ENTREP2: variants seen among roughly 807,000 people sequenced by gnomAD.
ENTREP2 encodes endosomal transmembrane epsin interactor 2.
the ENTREP2 span, among the ~76,000 whole-genome samples, chr15:29,420,815 A>G: frequency 6.6e-6 from 1 of 152,196 alleles, no homozygotes; most frequent in South Asian, 2.1e-4. Flanking sequence ...AAAAACATCA[A>G]AACAGGTCTG....
At chr15:29,448,246 C>G in the ENTREP2 span, among the ~76,000 whole-genome samples, 1 of 152,192 alleles carries the variant, frequency 6.6e-6, no homozygotes, top group Non-Finnish European at 1.5e-5. Context: ...TACAACAGCA[C>G]CTCGGGGAGG....
the ENTREP2 span, among the ~76,000 whole-genome samples, chr15:29,146,624 T>G: frequency 2.6e-5 from 4 of 152,184 alleles, no homozygotes; most frequent in Non-Finnish European, 5.9e-5. Flanking sequence ...TGTATAACAA[T>G]GAACTCAAAA....
chr15:29,406,983 A>T, the ENTREP2 span, among the ~76,000 whole-genome samples: 1 of 152,214 alleles, frequency 6.6e-6, no homozygotes, highest in Admixed American at 6.5e-5. Context: ...AAATCACATC[A>T]CAATATGTAA....
the ENTREP2 span, among the ~76,000 whole-genome samples, chr15:29,586,064 C>A: frequency 6.6e-6 from 1 of 151,984 alleles, no homozygotes; most frequent in East Asian, 1.9e-4. Context: ...ATGGTAACAA[C>A]CTATATATCC....
the ENTREP2 span, among the ~76,000 whole-genome samples, chr15:29,343,030 G>C: frequency 5.4e-5 from 8 of 148,892 alleles, no homozygotes; most frequent in Admixed American, 2.0e-4. Flanking sequence ...AAAGGAATGG[G>C]GGGGGTGGTT....
chr15:29,447,727 T>G, the ENTREP2 span, among the ~76,000 whole-genome samples: 2 of 151,332 alleles, frequency 1.3e-5, no homozygotes, highest in African/African-American at 4.9e-5. Flanking sequence ...TGGGCACAAG[T>G]GACCTTCCCA....
chr15:29,486,859 T>G, the ENTREP2 span, among the ~76,000 whole-genome samples: 1 of 151,966 alleles, frequency 6.6e-6, no homozygotes, highest in South Asian at 2.1e-4. Flanking sequence ...TATAGAAAAT[T>G]AGAATTGTGG....
the ENTREP2 span, among the ~76,000 whole-genome samples, chr15:29,446,533 C>T: frequency 6.6e-6 from 1 of 152,198 alleles, no homozygotes; most frequent in Non-Finnish European, 1.5e-5. Context: ...AGTTGGCCAG[C>T]AGAAAGGAGG....
At chr15:29,365,454 C>T in the ENTREP2 span, among the ~76,000 whole-genome samples, 139 of 152,006 alleles carry the variant, frequency 9.1e-4, 1 homozygote, top group East Asian at 0.025. Flanking sequence ...GATTTCACCA[C>T]ATTGGCCAGG....
the ENTREP2 span, chr15:29,123,404 C>T: frequency 6.5e-7 from 1 of 1,549,356 alleles, no homozygotes; most frequent in Non-Finnish European, 8.7e-7. Context: ...TCGTTGGTGA[C>T]AGCCAAGCGC....
chr15:29,611,533 C>T, the ENTREP2 span, among the ~76,000 whole-genome samples: 2 of 152,114 alleles, frequency 1.3e-5, no homozygotes, highest in African/African-American at 4.8e-5. Flanking sequence ...TAACTTATGT[C>T]TCAAGCTTCT....
the ENTREP2 span, among the ~76,000 whole-genome samples, chr15:29,534,167 A>C: frequency 5.3e-5 from 8 of 150,960 alleles, no homozygotes; most frequent in African/African-American, 1.7e-4. Flanking sequence ...TCTCCTTCCT[A>C]ATCAGGAGCT....
At chr15:29,307,689 T>C in the ENTREP2 span, among the ~76,000 whole-genome samples, 7 of 152,104 alleles carry the variant, frequency 4.6e-5, no homozygotes, top group African/African-American at 1.7e-4. Flanking sequence ...CCCACAAGGA[T>C]TGGTGGCCTT....
At chr15:29,673,281 T>C in the ENTREP2 span, among the ~76,000 whole-genome samples, 1 of 152,196 alleles carries the variant, frequency 6.6e-6, no homozygotes, top group East Asian at 1.9e-4. Context: ...AAGGTCTTTA[T>C]GACCTGTATC....
At chr15:29,155,934 C>A in the ENTREP2 span, among the ~76,000 whole-genome samples, 1 of 152,096 alleles carries the variant, frequency 6.6e-6, no homozygotes, top group African/African-American at 2.4e-5. Flanking sequence ...CAGGACTAGG[C>A]GGACTGCCTT....
chr15:29,171,751 GGAATAATTGGC>G, the ENTREP2 span, among the ~76,000 whole-genome samples: 1 of 152,000 alleles, frequency 6.6e-6, no homozygotes, highest in Non-Finnish European at 1.5e-5. Flanking sequence ...GTTTTCATGT[GGAATAATTGGC>G]AAGGAAAACC....
chr15:29,489,089 T>C, the ENTREP2 span, among the ~76,000 whole-genome samples: 5,309 of 152,210 alleles, frequency 0.035, 296 homozygotes, highest in African/African-American at 0.12. Context: ...CAAAGAATTA[T>C]TCACACAAAA....
At chr15:29,600,898 C>CTTTTTTTTTTTTTTTTTTTTTTTTTTT in the ENTREP2 span, among the ~76,000 whole-genome samples, 52 of 125,424 alleles carry the variant, frequency 4.1e-4, 13 homozygotes, top group African/African-American at 1.3e-3. Flanking sequence ...TATGATTTTT[C>CTTTTTTTTTTTTTTTTTTTTTTTTTTT]TTTCTTTTTT....
At chr15:29,453,980 G>A in the ENTREP2 span, among the ~76,000 whole-genome samples, 1 of 152,114 alleles carries the variant, frequency 6.6e-6, no homozygotes, top group Non-Finnish European at 1.5e-5. Flanking sequence ...TGACATCTCC[G>A]ATTTTAATAT....
Sources: allele counts gnomAD v4.1 joint callset (sites outside exome capture counted in the v4.1 genomes callset), GRCh38; gene constraint gnomAD v4.1.1; transcripts MANE v1.5; gene names NCBI Gene and HGNC (gene_info 2026-07-23, HGNC 2026-07-21).